The following TSPEAR variants were observed in gnomAD, a reference collection of about 807,000 sequenced individuals.
The protein encoded by TSPEAR is thrombospondin-type laminin G domain and EAR repeat-containing protein.
In TSPEAR, 69 loss-of-function variants were observed where a neutral mutation model predicts 71.6. The observed-to-expected ratio is 0.96, with a 90% CI of 0.79 to 1.18. TSPEAR has a LOEUF of 1.18. Ranked by LOEUF, TSPEAR falls within the 50% of genes most tolerant of loss-of-function variation. The pLI is 0.00. For missense variants in TSPEAR, 971 were observed against 894.9 expected (o/e 1.09, Z -1.09); for synonymous variants, 402 against 387.2 (o/e 1.04, Z -0.45).
intron 1 of TSPEAR, among the ~76,000 whole-genome samples, chr21:44,675,523 A>G (rs1986266388): frequency 1.3e-5 from 1 of 78,008 alleles, no homozygotes; most frequent in Admixed American, 1.4e-4. Context: ...TGAGACAAGG[A>G]TGCATTTTTT....
chr21:44,652,108 C>T (rs587731453), intron 1 of TSPEAR, among the ~76,000 whole-genome samples: 3 of 151,882 alleles, frequency 2.0e-5, no homozygotes, highest in East Asian at 1.9e-4. Context: ...CTCAGCCTCC[C>T]GAATAGCTGG....
chr21:44,549,079 C>T (rs1484604281), intron 2 of TSPEAR, among the ~76,000 whole-genome samples: 1 of 152,228 alleles, frequency 6.6e-6, no homozygotes, highest in African/African-American at 2.4e-5. Context: ...ATTTTTGACG[C>T]AAATCCTGCC....
At position 44,498,947 on chromosome 21, in the gene TSPEAR, T is replaced by G. The variant is rs1403320475; in HGVS notation, c.*836A>C. ...AGCTCTCCCAGCTGCAGAGACAAGA[T>G]GACCACAGGAGAGCCAGCAGAGGAT... is the stretch of plus-strand genomic sequence containing the variant. On this transcript the variant is annotated 3_prime_UTR_variant, in exon 12 of 12. Transcript: ENST00000323084. The G allele has an allele frequency of 6.6e-6, 1 of 152,338 alleles. No homozygotes were observed. The highest frequency in any genetic ancestry group is 1.5e-5 in the Non-Finnish European group (1 of 68,154). The allele number at this position is 152,338 out of a possible 1,614,324, so 9.4% of individuals were successfully genotyped here.
At chr21:44,566,000 C>T (rs184626356) in intron 2 of TSPEAR, among the ~76,000 whole-genome samples, 5 of 152,210 alleles carry the variant, frequency 3.3e-5, no homozygotes, top group East Asian at 1.9e-4. Context: ...GCCAACATGG[C>T]GAAACCCTGT....
intron 1 of TSPEAR, among the ~76,000 whole-genome samples, chr21:44,620,021 T>A (rs1555933227): frequency 6.6e-6 from 1 of 152,152 alleles, no homozygotes; most frequent in East Asian, 1.9e-4. Flanking sequence ...TCAGAGGGAT[T>A]CACATAAAAA....
chr21:44,540,183 TGTGA>T lies in TSPEAR; in HGVS notation c.304-6264_304-6261del, dbSNP rs781971507. On this transcript the variant is annotated intron_variant, in intron 2 of 11. Transcript: ENST00000323084. ...TGGGGAGGAGGTGAGCTGCGGGAGG[TGTGA>T]GTGAGTGAGTGTGGGAGTCAGTGTG... The T allele has an allele frequency of 1.6e-3, 2,524 of 1,599,606 alleles. 12 individuals are homozygous for T. Among genetic ancestry groups the T allele is most frequent in the Non-Finnish European group, 1.7e-3 (2,043 of 1,173,396 alleles).
At chr21:44,582,915 C>A (rs587705936) in intron 1 of TSPEAR, among the ~76,000 whole-genome samples, 1 of 152,258 alleles carries the variant, frequency 6.6e-6, no homozygotes, top group Non-Finnish European at 1.5e-5. Flanking sequence ...CCCCACCTCC[C>A]GGGTTCAAGC....
At chr21:44,635,614 C>A (rs1279800446) in intron 1 of TSPEAR, among the ~76,000 whole-genome samples, 1 of 152,062 alleles carries the variant, frequency 6.6e-6, no homozygotes, top group Non-Finnish European at 1.5e-5. Context: ...GCAGAACAGG[C>A]AAATCCATAG....
intron 2 of TSPEAR, among the ~76,000 whole-genome samples, chr21:44,537,466 G>A (rs2053108505): frequency 6.6e-6 from 1 of 152,224 alleles, no homozygotes; most frequent in South Asian, 2.1e-4. Flanking sequence ...TAGATCAAGA[G>A]ATGAATAGAA....
chr21:44,676,888 T>C (rs1198250715), intron 1 of TSPEAR: 1 of 882,298 alleles, frequency 1.1e-6, no homozygotes, highest in African/African-American at 1.6e-5. Context: ...TTCTGCTAGC[T>C]CTCTGTTCAG....
intron 1 of TSPEAR, chr21:44,580,358 C>T: frequency 6.2e-7 from 1 of 1,613,758 alleles, no homozygotes. Context: ...AGCCGGCTGG[C>T]AGCACGAGGG....
At chr21:44,549,181 C>T (rs782197017) in intron 2 of TSPEAR, among the ~76,000 whole-genome samples, 49 of 152,130 alleles carry the variant, frequency 3.2e-4, no homozygotes, top group Non-Finnish European at 4.3e-4. Flanking sequence ...TCGTCTGCGG[C>T]GAGCTAGAGA....
chr21:44,508,540 G>A, intron 10 of TSPEAR: 2 of 1,109,742 alleles, frequency 1.8e-6, no homozygotes, highest in East Asian at 1.3e-4. Context: ...TCACAGACCG[G>A]AATTCCACCC....
At chr21:44,600,338 G>A (rs404341) in intron 1 of TSPEAR, among the ~76,000 whole-genome samples, 21,237 of 152,138 alleles carry the variant, frequency 0.14, 2,396 homozygotes, top group African/African-American at 0.3. Context: ...TTATGCTCTG[G>A]AGCCAAAGGT....
At chr21:44,522,410 C>T (rs587733263) in intron 8 of TSPEAR, among the ~76,000 whole-genome samples, 113 of 152,324 alleles carry the variant, frequency 7.4e-4, no homozygotes, top group African/African-American at 2.7e-3. Flanking sequence ...TGGGGCCCAC[C>T]GTGTCCTGGC....
intron 1 of TSPEAR, among the ~76,000 whole-genome samples, chr21:44,648,615 A>G (rs2070574): frequency 0.52 from 78,412 of 152,136 alleles, 20,295 homozygotes; most frequent in East Asian, 0.6. Flanking sequence ...AGGGGAGCCT[A>G]AGGCACAGGG....
chr21:44,573,261 C>T (rs2146083132), intron 1 of TSPEAR, among the ~76,000 whole-genome samples: 1 of 152,210 alleles, frequency 6.6e-6, no homozygotes, highest in African/African-American at 2.4e-5. Flanking sequence ...CCTAGAAAAC[C>T]AAGGCCCAGC....
intron 1 of TSPEAR, among the ~76,000 whole-genome samples, chr21:44,648,416 G>A (rs146564163): frequency 2.0e-5 from 3 of 152,278 alleles, no homozygotes; most frequent in East Asian, 3.9e-4. Context: ...TTAAACCCAC[G>A]TGGACTCATA....
At chr21:44,544,486 A>T (rs1356102085) in intron 2 of TSPEAR, among the ~76,000 whole-genome samples, 3 of 152,218 alleles carry the variant, frequency 2.0e-5, no homozygotes, top group African/African-American at 7.2e-5. Flanking sequence ...TATCATACTG[A>T]TTAAATGAAT....
Sources: allele counts gnomAD v4.1 joint callset (sites outside exome capture counted in the v4.1 genomes callset), GRCh38; gene constraint gnomAD v4.1.1; transcripts MANE v1.5; gene names NCBI Gene and HGNC (gene_info 2026-07-23, HGNC 2026-07-21).